Variants in EDNRB observed in about 807,000 individuals in gnomAD.
The protein encoded by EDNRB is Hirschsprung disease 2.
EDNRB carries 18 observed loss-of-function variants against 46.4 expected under a neutral mutation model. The observed-to-expected ratio is 0.39, with a 90% confidence interval of 0.27 to 0.57. EDNRB has a LOEUF of 0.57. Among genes scored for constraint, EDNRB ranks in the 20% least tolerant of loss-of-function variants. EDNRB has a pLI of 0.61. For synonymous variants in EDNRB, 213 were observed against 204.9 expected (o/e 1.04, Z -0.34); for missense variants, 434 against 537.5 (o/e 0.81, Z 1.90).
intron 1 of EDNRB, among the ~76,000 whole-genome samples, chr13:77,960,818 G>A (rs1162806878): frequency 6.8e-6 from 1 of 146,750 alleles, no homozygotes; most frequent in Non-Finnish European, 1.5e-5. Flanking sequence ...GACACACATA[G>A]GCTCAAAATA....
At chr13:77,959,094 C>T (rs1043924603) in intron 1 of EDNRB, among the ~76,000 whole-genome samples, 1 of 152,194 alleles carries the variant, frequency 6.6e-6, no homozygotes, top group South Asian at 2.1e-4. Context: ...ATTAATATTA[C>T]ATTTTCTCCT....
At chr13:77,928,445 T>C (rs1229101100) in intron 1 of EDNRB, among the ~76,000 whole-genome samples, 5 of 152,226 alleles carry the variant, frequency 3.3e-5, no homozygotes, top group Non-Finnish European at 7.3e-5. Flanking sequence ...ACATATTTTT[T>C]CATGATACTA....
At chr13:77,967,799 A>G (rs138493802) in intron 1 of EDNRB, among the ~76,000 whole-genome samples, 11 of 152,242 alleles carry the variant, frequency 7.2e-5, no homozygotes, top group East Asian at 1.9e-4. Context: ...TACTCCTCCT[A>G]AGAGCTATGT....
At chr13:77,973,799 G>A (rs773320501) in intron 1 of EDNRB, among the ~76,000 whole-genome samples, 5 of 150,982 alleles carry the variant, frequency 3.3e-5, no homozygotes, top group East Asian at 3.9e-4. Flanking sequence ...CATGACTTTC[G>A]CAGGCAGTTC....
At chr13:77,919,194 G>A, upstream of EDNRB, 1 of 631,320 alleles carries the variant, frequency 1.6e-6, no homozygotes, top group Non-Finnish European at 2.6e-6. Context: ...GACTTCTCAA[G>A]TCAGCAGGAA....
At position 77,918,512 on chromosome 13, in the gene EDNRB, A is replaced by G; in HGVS notation, c.62T>C (p.Leu21Pro). The G allele has an allele frequency of 3.8e-6, 6 of 1,580,284 alleles. No homozygotes were observed. The highest frequency in any genetic ancestry group is 5.1e-6 in the Non-Finnish European group (6 of 1,167,396). The change falls in exon 1 of 7, where the codon CTG becomes CCG. Residue 21 changes from leucine (L) to proline (P), a missense_variant. Transcript: ENST00000646607. This position sits in a 1 kb window ranked among gnomAD's most constrained non-coding sequence, Gnocchi z 4.5. Reference sequence around the variant, plus strand: ...TCTCTCCTCTCCCCAGATCCGCGACAGGCCGCAGGCAAGAACCAGCGCAAC... The same window carrying G: ...TCTCTCCTCTCCCCAGATCCGCGACGGGCCGCAGGCAAGAACCAGCGCAAC... ...ALVALVLACG[L>P]SRIWGEERGF...
At chr13:77,964,223 A>G (rs1409731968) in intron 1 of EDNRB, among the ~76,000 whole-genome samples, 1 of 152,156 alleles carries the variant, frequency 6.6e-6, no homozygotes, top group African/African-American at 2.4e-5. Flanking sequence ...CCACTCCTCA[A>G]GGATCTAGAA....
intron 1 of EDNRB, chr13:77,939,147 G>A (rs962435380): frequency 1.1e-4 from 16 of 152,210 alleles, no homozygotes; most frequent in African/African-American, 3.6e-4. Context: ...TACAGTCAAA[G>A]GGGGGTTGTC....
At chr13:77,913,414 C>T (rs1879669381) in intron 1 of EDNRB, among the ~76,000 whole-genome samples, 3 of 152,114 alleles carry the variant, frequency 2.0e-5, no homozygotes, top group Admixed American at 1.3e-4. Flanking sequence ...TAATTTCTAG[C>T]TCTCCATCAC....
intron 1 of EDNRB, among the ~76,000 whole-genome samples, chr13:77,941,701 G>C (rs1346479840): frequency 1.3e-5 from 2 of 152,196 alleles, no homozygotes; most frequent in Non-Finnish European, 2.9e-5. Flanking sequence ...GGTGGTGATG[G>C]AAGTTTTCTA....
rs1340799958 is a variant in EDNRB at position 77,895,573 on chromosome 13, TTATA to T, written c.*2623_*2626del. ...CATAAATAATGTCCACTTGTCACAT[TTATA>T]TTTCTTTTAAACAATCAATTAGTAT... On this transcript the variant is annotated 3_prime_UTR_variant, in exon 7 of 7. Transcript: ENST00000646607. 1 of 152,058 alleles carries T rather than the reference TTATA, an allele frequency of 6.6e-6. No individual in the cohort carries two copies. Among genetic ancestry groups the T allele is most frequent in the African/African-American group, 2.4e-5 (1 of 41,434 alleles). The allele number at this position is 152,058 out of a possible 1,614,324, so 9.4% of individuals were successfully genotyped here.
intron 1 of EDNRB, among the ~76,000 whole-genome samples, chr13:77,945,610 A>T (rs145802335): frequency 6.6e-6 from 1 of 152,254 alleles, no homozygotes; most frequent in East Asian, 1.9e-4. Flanking sequence ...TTTCACAATG[A>T]CTTGTAGCTG....
intron 1 of EDNRB, among the ~76,000 whole-genome samples, chr13:77,969,359 G>C (rs1266344097): frequency 6.6e-6 from 1 of 152,156 alleles, no homozygotes; most frequent in Non-Finnish European, 1.5e-5. Flanking sequence ...ATAGAGTAAG[G>C]AAAGCAGCTG....
intron 3 of EDNRB, 43 bp downstream of exon 3, chr13:77,903,113 A>G (rs749117704): frequency 6.2e-7 from 1 of 1,601,048 alleles, no homozygotes; most frequent in South Asian, 1.1e-5. Flanking sequence ...CTAAATATTT[A>G]TAAGGCAAGA....
chr13:77,903,347 C>A lies in EDNRB; in HGVS notation c.610G>T (p.Ala204Ser), dbSNP rs1879101618. 13 of 1,612,750 alleles carry A rather than the reference C, an allele frequency of 8.1e-6. No homozygotes were observed. Among genetic ancestry groups the A allele is most frequent in the East Asian group, 4.5e-5 (2 of 44,834 alleles). ...ALSIDRYRAV[A>S]SWSRIKGIGV... Reference sequence around the variant, plus strand: ...ATTCCTTTAATTCTACTCCAAGAAGCAACAGCTCGATATCTGAAGATAAAA... The same window carrying A: ...ATTCCTTTAATTCTACTCCAAGAAGAAACAGCTCGATATCTGAAGATAAAA... Residue 204 changes from alanine to serine, a missense_variant, in exon 3 of 7, where the codon GCT becomes TCT. Ala to Ser is a moderately conservative substitution (Grantham distance 99, BLOSUM62 1). Transcript: ENST00000646607.
Position 77,896,561 on chromosome 13 carries a change from A to C in EDNRB, c.*1639T>G, listed in dbSNP as rs200772993. On this transcript the variant is annotated 3_prime_UTR_variant, in exon 7 of 7. Coordinates refer to ENST00000646607, the MANE Select transcript of EDNRB (RefSeq NM_001122659.3). ...TTATTTCCAACATGTGGCCCAGCCT[A>C]TTAAAAGAAAAACAAAGTAAAAATT... is the stretch of plus-strand genomic sequence containing the variant. 1.1e-4 allele frequency: 164 copies of C among 1,552,990 alleles called. 2 individuals carry two copies. The South Asian group carries it at 1.9e-3, about 18-fold the overall frequency.
chr13:77,942,172 C>A (rs1392132392), intron 1 of EDNRB, among the ~76,000 whole-genome samples: 1 of 152,082 alleles, frequency 6.6e-6, no homozygotes, highest in Non-Finnish European at 1.5e-5. Context: ...GAAATAAAAG[C>A]CTTGTCTGGG....
At position 77,934,683 on chromosome 13, in the gene EDNRB, G is replaced by C. The variant is rs533537846; in HGVS notation, c.-51-16059C>G. Among the ~76,000 whole-genome samples, 251 of 150,994 alleles carry C rather than the reference G, an allele frequency of 1.7e-3. 3 individuals are homozygous for C. Among genetic ancestry groups the C allele is most frequent in the East Asian group, 1.2e-3 (6 of 5,052 alleles). ...CCTGAGCTTGATGTGTAGGAAAGGG[G>C]GGGGGGGGCCTGAATAGTCCCTGAG... On this transcript the variant is annotated intron_variant, in intron 1 of 7. Transcript: ENST00000646948.
At position 77,908,021 on chromosome 13, in the gene EDNRB, C is replaced by CA. The variant is rs1215042889; in HGVS notation, c.484-4415dup. Reference sequence around the variant, plus strand: ...TACACTTTTGAAGGGAAAGAGACTGCAAAAAAAAAAAAAAAAAAAAAAAGA... The same window carrying CA: ...TACACTTTTGAAGGGAAAGAGACTGCAAAAAAAAAAAAAAAAAAAAAAAAGA... On this transcript the variant is annotated intron_variant, in intron 1 of 6. Coordinates refer to ENST00000646607, the MANE Select transcript of EDNRB (RefSeq NM_001122659.3). Among the ~76,000 whole-genome samples, 323 of 55,090 alleles carry CA rather than the reference C, an allele frequency of 5.9e-3. 4 individuals are homozygous for CA. The highest frequency in any genetic ancestry group is 0.014 in the African/African-American group (217 of 15,958). 36.1% of individuals were successfully genotyped at this position (55,090 alleles called of 152,430 possible).
Sources: allele counts gnomAD v4.1 joint callset (sites outside exome capture counted in the v4.1 genomes callset), GRCh38; gene constraint gnomAD v4.1.1; non-coding constraint Gnocchi (gnomAD v3.1); transcripts MANE v1.5; gene names NCBI Gene and HGNC (gene_info 2026-07-23, HGNC 2026-07-21).